The following PHF14 variants were observed in gnomAD, a reference collection of about 807,000 sequenced individuals.
The protein encoded by PHF14 is PHD finger protein 14.
In PHF14, 55 loss-of-function variants were observed where a neutral mutation model predicts 117.9. That is an observed-to-expected ratio of 0.47 (90% confidence interval 0.38 to 0.58). The LOEUF is 0.58. Among genes scored for constraint, PHF14 ranks in the 20% least tolerant of loss-of-function variants. The pLI, the probability that PHF14 is intolerant of heterozygous loss-of-function variation, is 0.00. For missense variants in PHF14, 978 were observed against 1,122.2 expected (o/e 0.87, Z 1.84); for synonymous variants, 409 against 368.6 (o/e 1.11, Z -1.26).
At chr7:10,996,348 T>A (rs943279722) in intron 4 of PHF14, among the ~76,000 whole-genome samples, 2 of 152,248 alleles carry the variant, frequency 1.3e-5, no homozygotes, top group Non-Finnish European at 1.5e-5. Flanking sequence ...TTGGGACTTA[T>A]CAGCCTGAAG....
chr7:11,035,957 G>A (rs1378025724), intron 8 of PHF14, among the ~76,000 whole-genome samples, 171 bp downstream of exon 8: 3 of 152,074 alleles, frequency 2.0e-5, no homozygotes, highest in South Asian at 2.1e-4. Context: ...GCTGAATACA[G>A]TACTCCTCAT....
chr7:10,990,363 T>C (rs138656401), intron 3 of PHF14, among the ~76,000 whole-genome samples: 1 of 152,322 alleles, frequency 6.6e-6, no homozygotes, highest in African/African-American at 2.4e-5. Context: ...TGTGGATTCA[T>C]TTTTCGTTTT....
intron 4 of PHF14, among the ~76,000 whole-genome samples, chr7:11,005,994 A>G (rs768865950): frequency 4.6e-5 from 7 of 151,968 alleles, no homozygotes; most frequent in South Asian, 4.2e-4. Flanking sequence ...GGGTTTCACC[A>G]TGTTGGCCAG....
intron 4 of PHF14, chr7:11,006,433 G>A: frequency 5.7e-6 from 3 of 529,248 alleles, no homozygotes; most frequent in Non-Finnish European, 1.1e-5. Flanking sequence ...AAGATTCAAA[G>A]CATTGTAATC....
chr7:11,036,556 C>T lies in PHF14; in HGVS notation c.1741C>T (p.Arg581Trp), dbSNP rs145373600. Reference protein sequence around the residue: ...SSASAIRKLMRKAELMGISTD... With the variant: ...SSASAIRKLMWKAELMGISTD... The stretch of plus-strand genomic sequence containing the variant: ...TGCTTCAGCTATTCGTAAACTTATG[C>T]GGAAAGCAGAACTCATGGGGATCAG... Residue 581 changes from arginine to tryptophan, a missense_variant, in exon 9 of 18, where the codon CGG (arginine) becomes TGG (tryptophan). Physicochemically the swap from Arg to Trp is moderately radical, Grantham distance 101. Around this residue, in one of 7 missense-constraint regions of PHF14, gnomAD observed 237 missense variants for 276.4 expected, o/e 0.86. Coordinates refer to ENST00000634607, the MANE Select transcript of PHF14 (RefSeq NM_001007157.2). 1 of 1,613,880 alleles carries T rather than the reference C, an allele frequency of 6.2e-7. No individual in the cohort carries two copies. Among genetic ancestry groups the T allele is most frequent in the East Asian group, 2.2e-5 (1 of 44,866 alleles).
At chr7:11,017,800 G>A (rs942990538) in intron 5 of PHF14, among the ~76,000 whole-genome samples, 13 of 151,924 alleles carry the variant, frequency 8.6e-5, no homozygotes, top group Non-Finnish European at 1.8e-4. Flanking sequence ...TTTTTGCTTC[G>A]GTTGCTTGTG....
At position 10,974,891 on chromosome 7, in the gene PHF14, G is replaced by C; in HGVS notation, c.58G>C (p.Ala20Pro). ...GCCTTTGGCAGCTTCTCTGCTGGAA[G>C]CTCTTGATTATGATAGTTCAGATGA... ...VKPLAASLLE[A>P]LDYDSSDDSD... Residue 20 changes from alanine to proline, a missense_variant, in exon 2 of 18, where the codon GCT (alanine) becomes CCT (proline). Ala to Pro is a conservative substitution (Grantham distance 27). Coordinates refer to ENST00000634607, the MANE Select transcript of PHF14 (RefSeq NM_001007157.2). 6.3e-7 allele frequency: 1 copy of C among 1,596,130 alleles called. No individual in the cohort carries two copies. Among genetic ancestry groups the C allele is most frequent in the Non-Finnish European group, 8.5e-7 (1 of 1,170,314 alleles).
intron 17 of PHF14, among the ~76,000 whole-genome samples, chr7:11,161,891 A>G (rs953092360): frequency 6.6e-6 from 1 of 150,478 alleles, no homozygotes; most frequent in African/African-American, 2.4e-5. Flanking sequence ...TCTAGCATAC[A>G]CTTCATGCGT....
In PHF14 at chr7:11,160,087, T is replaced by C. The variant is rs112899699; in HGVS notation, c.2773-9329T>C. 3.1e-4 allele frequency among the ~76,000 whole-genome samples: 47 copies of C among 152,172 alleles called. 1 individual carries two copies. The highest frequency in any genetic ancestry group is 1.1e-3 in the African/African-American group (47 of 41,528). On this transcript the variant is annotated intron_variant, in intron 17 of 17. Coordinates refer to ENST00000634607, the MANE Select transcript of PHF14 (RefSeq NM_001007157.2). ...CCTCCTTCCCTCCCCATTCTAGTAG[T>C]CTCCAGTGTCTATTATTGCCATCTT...
intron 16 of PHF14, among the ~76,000 whole-genome samples, chr7:11,081,413 A>G (rs1051186258): frequency 2.0e-4 from 30 of 152,226 alleles, no homozygotes; most frequent in African/African-American, 7.2e-4. Flanking sequence ...ATTTGGAACC[A>G]ACACAAATGC....
rs1163251977 is a variant in PHF14 at position 11,010,246 on chromosome 7, G to A, written c.1046-3501G>A. Reference sequence around the variant, plus strand: ...GATTTTTCTTTGAATATAATGTTTTGTTCTTTTATTGGAAATAAAACTGAC... The same window carrying A: ...GATTTTTCTTTGAATATAATGTTTTATTCTTTTATTGGAAATAAAACTGAC... On this transcript the variant is annotated intron_variant, in intron 4 of 17. Coordinates refer to ENST00000634607, the MANE Select transcript of PHF14 (RefSeq NM_001007157.2). Among the ~76,000 whole-genome samples, 5 of 151,666 alleles carry A rather than the reference G, an allele frequency of 3.3e-5. No individual in the cohort carries two copies. In the South Asian group the frequency reaches 8.3e-4, roughly 25 times the overall value.
At chr7:11,043,609 A>G (rs1481921296) in intron 13 of PHF14, among the ~76,000 whole-genome samples, 1 of 152,118 alleles carries the variant, frequency 6.6e-6, no homozygotes, top group African/African-American at 2.4e-5. Flanking sequence ...TTATCACTTA[A>G]GGCTACCTCT....
chr7:11,033,129 C>T (rs1176888864), intron 7 of PHF14, among the ~76,000 whole-genome samples: 2 of 152,178 alleles, frequency 1.3e-5, no homozygotes, highest in Non-Finnish European at 2.9e-5. Flanking sequence ...GGAGTAGGAT[C>T]TTGAAAGCTC....
intron 16 of PHF14, among the ~76,000 whole-genome samples, chr7:11,064,836 C>T (rs563048963): frequency 9.2e-5 from 14 of 152,032 alleles, no homozygotes; most frequent in South Asian, 2.1e-4. Flanking sequence ...GTTTTCCCCC[C>T]GTTGTACATG....
intron 16 of PHF14, chr7:11,110,040 C>T (rs1341043789): frequency 2.0e-5 from 3 of 151,778 alleles, no homozygotes; most frequent in Admixed American, 6.6e-5. Flanking sequence ...ACTCTTGATT[C>T]CCCAAATGAG....
chr7:11,011,277 T>C (rs920468510), intron 4 of PHF14, among the ~76,000 whole-genome samples: 2 of 152,216 alleles, frequency 1.3e-5, no homozygotes, highest in Middle Eastern at 3.2e-3. Context: ...TTATATACTG[T>C]AGTTATTTAT....
Position 11,096,337 on chromosome 7 carries a change from C to T in PHF14, c.2655-15013C>T, listed in dbSNP as rs564469214. Among the ~76,000 whole-genome samples the T allele has an allele frequency of 2.0e-5, 3 of 152,206 alleles. No individual in the cohort carries two copies. The South Asian group carries it at 6.2e-4, about 32-fold the overall frequency. On this transcript the variant is annotated intron_variant, in intron 16 of 17. Coordinates refer to ENST00000634607, the MANE Select transcript of PHF14 (RefSeq NM_001007157.2). The stretch of plus-strand genomic sequence containing the variant: ...TCTTATCCTAAAGTTTTTGAATGCT[C>T]ATACAGACCTGACAATTTCACTTAT...
intron 16 of PHF14, among the ~76,000 whole-genome samples, chr7:11,097,774 T>C (rs1786933454): frequency 6.6e-6 from 1 of 152,314 alleles, no homozygotes; most frequent in South Asian, 2.1e-4. Context: ...ATCATTGTAT[T>C]ACATAAGAAT....
intron 16 of PHF14, among the ~76,000 whole-genome samples, chr7:11,080,709 G>A (rs1161583463): frequency 6.6e-6 from 1 of 152,126 alleles, no homozygotes; most frequent in Non-Finnish European, 1.5e-5. Context: ...AGGACATTCT[G>A]CAGTGCGGAT....
Sources: allele counts gnomAD v4.1 joint callset (sites outside exome capture counted in the v4.1 genomes callset), GRCh38; gene constraint gnomAD v4.1.1; regional missense constraint gnomAD v4.1.1; transcripts MANE v1.5; gene names NCBI Gene and HGNC (gene_info 2026-07-23, HGNC 2026-07-21).